Variants in AGAP1 observed in about 807,000 individuals in gnomAD.
AGAP1 encodes ArfGAP with GTPase domain, ankyrin repeat and PH domain 1, also known as arf-GAP with GTPase, ANK repeat and PH domain-containing protein 1.
Under a neutral mutation model 105.3 loss-of-function variants are expected in AGAP1, and 29 were observed. That is an observed-to-expected ratio of 0.28 (90% confidence interval 0.21 to 0.38). The LOEUF (loss-of-function observed/expected upper bound fraction) is 0.38, where lower values mean the gene tolerates loss of function less well. Among genes scored for constraint, AGAP1 ranks in the 10% least tolerant of loss-of-function variants. The pLI is 1.00. For missense variants in AGAP1, 998 were observed against 1,165.1 expected (o/e 0.86, Z 2.09); for synonymous variants, 509 against 485.9 (o/e 1.05, Z -0.63).
chr2:235,605,191 G>GA lies in AGAP1; in HGVS notation c.164-103987dup, dbSNP rs111528648. ...CTGTGCCCAGCCTCATGTTTCTTTT[G>GA]ACAGATAACATTTAATAGTAATAAA... On this transcript the variant is annotated intron_variant, in intron 1 of 17. Coordinates refer to ENST00000304032, the MANE Select transcript of AGAP1 (RefSeq NM_001037131.3). Among the ~76,000 whole-genome samples, 573 of 152,278 alleles carry GA rather than the reference G, an allele frequency of 3.8e-3. 7 individuals are homozygous for GA. The highest frequency in any genetic ancestry group is 0.013 in the African/African-American group (555 of 41,550).
chr2:235,894,393 A>C (rs1320522151), intron 10 of AGAP1, among the ~76,000 whole-genome samples: 1 of 152,114 alleles, frequency 6.6e-6, no homozygotes, highest in Non-Finnish European at 1.5e-5. Flanking sequence ...TTCCGTGTGG[A>C]TTGCTTTCAC....
chr2:235,894,798 C>A (rs2050725710), intron 10 of AGAP1, among the ~76,000 whole-genome samples: 1 of 152,182 alleles, frequency 6.6e-6, no homozygotes, highest in Non-Finnish European at 1.5e-5. Flanking sequence ...CTTAGCTGAT[C>A]CTTCTGGTGT....
intron 10 of AGAP1, among the ~76,000 whole-genome samples, chr2:235,903,406 A>G (rs943501245): frequency 1.1e-4 from 17 of 152,192 alleles, no homozygotes; most frequent in African/African-American, 3.1e-4. Flanking sequence ...TGAGATGCCA[A>G]TCATATAGTG....
chr2:236,104,891 C>G lies in AGAP1; in HGVS notation c.2115-15301C>G, dbSNP rs1206637645. 6.6e-6 allele frequency among the ~76,000 whole-genome samples: 1 copy of G among 151,788 alleles called. No homozygotes were observed. The highest frequency in any genetic ancestry group is 1.5e-5 in the Non-Finnish European group (1 of 67,968). ...CTGCAGCCTGGGCTACAGAGCGAGA[C>G]TCTGTCTCAAGGAAAAAAAAAAGGA... On this transcript the variant is annotated intron_variant, in intron 16 of 17. Coordinates refer to ENST00000304032, the MANE Select transcript of AGAP1 (RefSeq NM_001037131.3). The surrounding 1 kb of genome is among the most constrained non-coding windows in gnomAD (Gnocchi z 4.7).
rs377500025 is a variant in AGAP1, at chr2:235,665,015, G to A, written c.164-44164G>A. Among the ~76,000 whole-genome samples, 17 of 152,236 alleles carry A rather than the reference G, an allele frequency of 1.1e-4. No individual in the cohort carries two copies. Among genetic ancestry groups the A allele is most frequent in the South Asian group, 4.2e-4 (2 of 4,806 alleles). On this transcript the variant is annotated intron_variant, in intron 1 of 17. Transcript: ENST00000304032. The surrounding 1 kb of genome is among the most constrained non-coding windows in gnomAD (Gnocchi z 5.3). ...ATGGGAGAATCATCTGAGGTGAGGCGTTCGAGACCAGCCTGGGCAACATGG... is the reference window on the plus strand; with the variant it reads ...ATGGGAGAATCATCTGAGGTGAGGCATTCGAGACCAGCCTGGGCAACATGG...
Position 235,733,410 on chromosome 2 carries a change from C to T in AGAP1, c.311-7553C>T, listed in dbSNP as rs921720423. ...GGTTGTAGGAGAGATGAGGAGCCTC[C>T]GCCCAGCTCAAATCTTCCTTTTTGT... On this transcript the variant is annotated intron_variant, in intron 3 of 17. Transcript: ENST00000304032. The surrounding 1 kb of genome is among the most constrained non-coding windows in gnomAD (Gnocchi z 5.0). 1.4e-4 allele frequency among the ~76,000 whole-genome samples: 21 copies of T among 152,170 alleles called. No individual in the cohort carries two copies. Among genetic ancestry groups the T allele is most frequent in the Admixed American group, 3.9e-4 (6 of 15,282 alleles).
At chr2:235,852,749 G>A (rs754548732) in intron 9 of AGAP1, 4 of 1,539,654 alleles carry the variant, frequency 2.6e-6, no homozygotes, top group South Asian at 1.2e-5. Context: ...TGGAGCCCGT[G>A]CCCGTCAGTC....
intron 1 of AGAP1, among the ~76,000 whole-genome samples, chr2:235,671,542 G>T (rs1007395197): frequency 1.3e-5 from 2 of 152,214 alleles, no homozygotes; most frequent in Admixed American, 6.5e-5. Context: ...TGTCAGTGTT[G>T]TGATGTGGAC....
At chr2:235,520,217 A>G (rs535997369) in intron 1 of AGAP1, among the ~76,000 whole-genome samples, 2 of 152,228 alleles carry the variant, frequency 1.3e-5, no homozygotes, top group Admixed American at 1.3e-4. Context: ...CAGTTCCTTA[A>G]TATGGTCAAA....
intron 9 of AGAP1, among the ~76,000 whole-genome samples, chr2:235,860,844 C>T (rs1406221830): frequency 2.0e-5 from 3 of 152,196 alleles, no homozygotes; most frequent in Non-Finnish European, 4.4e-5. Flanking sequence ...TTTACCAAGA[C>T]TGCATTATTT....
At chr2:235,928,316 G>A (rs1271927180) in intron 11 of AGAP1, among the ~76,000 whole-genome samples, 1 of 152,204 alleles carries the variant, frequency 6.6e-6, no homozygotes, top group Admixed American at 6.5e-5. Flanking sequence ...TGGATGTGTG[G>A]GATTGAGAGA....
Position 235,621,909 on chromosome 2 carries a change from A to G in AGAP1, c.164-87270A>G, listed in dbSNP as rs7567843. ...AAGGGAGTGCCGCGCAGACCCCCCCACCCCCTCAGAACAGCGGCCACTGTG... is the reference window on the plus strand; with the variant it reads ...AAGGGAGTGCCGCGCAGACCCCCCCGCCCCCTCAGAACAGCGGCCACTGTG... On this transcript the variant is annotated intron_variant, in intron 1 of 17. Transcript: ENST00000304032. The surrounding 1 kb of genome is among the most constrained non-coding windows in gnomAD (Gnocchi z 4.1). Among the ~76,000 whole-genome samples the G allele has an allele frequency of 0.13, 18,199 of 144,582 alleles. 1,792 individuals carry two copies. The highest frequency in any genetic ancestry group is 0.28 in the African/African-American group (11,230 of 40,336). 94.9% of individuals were successfully genotyped at this position (144,582 alleles called of 152,430 possible).
chr2:235,645,118 A>G (rs1480373470), intron 1 of AGAP1, among the ~76,000 whole-genome samples: 4 of 152,096 alleles, frequency 2.6e-5, no homozygotes, highest in African/African-American at 9.7e-5. Context: ...CTGGTCTAGA[A>G]TTCCTGACCT....
At chr2:235,629,895 A>G (rs1946771765) in intron 1 of AGAP1, among the ~76,000 whole-genome samples, 1 of 150,986 alleles carries the variant, frequency 6.6e-6, no homozygotes, top group Admixed American at 6.6e-5. Flanking sequence ...AAAGAACAGA[A>G]ATCACCATTG....
At chr2:235,822,664 G>A (rs540370020) in intron 9 of AGAP1, among the ~76,000 whole-genome samples, 1 of 150,964 alleles carries the variant, frequency 6.6e-6, no homozygotes, top group Non-Finnish European at 1.5e-5. Flanking sequence ...CCAAGGGTGA[G>A]GAGGAGCTGG....
At chr2:235,514,810 A>G (rs1032470577) in intron 1 of AGAP1, among the ~76,000 whole-genome samples, 3 of 152,182 alleles carry the variant, frequency 2.0e-5, no homozygotes, top group Non-Finnish European at 4.4e-5. Context: ...AGCTCCATGG[A>G]GCTTAACTGC....
rs2054652773 is a variant in AGAP1, at chr2:235,971,744, T to TG, written c.1645+3121_1645+3122insG. ...AAAGCTAGTTATATATGTTTTATTTTATTTATTTATTTATTTATTTATTTA... is the reference window on the plus strand; with the variant it reads ...AAAGCTAGTTATATATGTTTTATTTTGATTTATTTATTTATTTATTTATTTA... On this transcript the variant is annotated intron_variant, in intron 13 of 17. Transcript: ENST00000304032. The surrounding 1 kb of genome is among the most constrained non-coding windows in gnomAD (Gnocchi z 4.8). 3.1e-5 allele frequency among the ~76,000 whole-genome samples: 3 copies of TG among 98,094 alleles called. No homozygotes were observed. Among genetic ancestry groups the TG allele is most frequent in the African/African-American group, 1.1e-4 (3 of 28,246 alleles). 64.4% of individuals were successfully genotyped at this position (98,094 alleles called of 152,430 possible).
intron 6 of AGAP1, among the ~76,000 whole-genome samples, chr2:235,763,037 T>G (rs567192896): frequency 6.6e-5 from 9 of 136,564 alleles, no homozygotes; most frequent in African/African-American, 1.1e-4. Context: ...AAGGCTCGGG[T>G]GTGTGTGTGT....
intron 1 of AGAP1, among the ~76,000 whole-genome samples, chr2:235,674,183 G>A (rs905203420): frequency 1.3e-5 from 2 of 152,172 alleles, no homozygotes; most frequent in Non-Finnish European, 2.9e-5. Context: ...AGTTGCCTCG[G>A]TGAGTTCAGG....
Sources: gnomAD v4.1 joint callset for allele counts (sites outside exome capture counted in the v4.1 genomes callset) on GRCh38, gnomAD v4.1.1 for gene constraint, Gnocchi (gnomAD v3.1) non-coding constraint, MANE v1.5 for transcripts, NCBI Gene and HGNC (gene_info 2026-07-23, HGNC 2026-07-21) for gene names.